MMS22L: variants seen among roughly 807,000 people sequenced by gnomAD.
MMS22L encodes the protein protein MMS22-like.
MMS22L carries 74 observed loss-of-function variants against 159.1 expected under a neutral mutation model. The observed-to-expected ratio is 0.47, with a 90% CI of 0.39 to 0.56. The LOEUF (loss-of-function observed/expected upper bound fraction) is 0.56, where lower values mean the gene tolerates loss of function less well. Ranked by LOEUF, MMS22L falls within the 20% of genes least tolerant of loss-of-function variation. MMS22L has a pLI of 0.00. For missense variants in MMS22L, 1,351 were observed against 1,422.1 expected (o/e 0.95, Z 0.80); for synonymous variants, 517 against 506.9 (o/e 1.02, Z -0.27).
At chr6:97,258,359 T>G (rs964320806) in intron 9 of MMS22L, among the ~76,000 whole-genome samples, 7 of 152,174 alleles carry the variant, frequency 4.6e-5, no homozygotes, top group African/African-American at 1.4e-4. Context: ...TGCTTCATCC[T>G]GTAATCAGCC....
chr6:97,225,462 T>C (rs888994764), intron 14 of MMS22L, among the ~76,000 whole-genome samples: 8 of 152,070 alleles, frequency 5.3e-5, no homozygotes, highest in African/African-American at 1.9e-4. Flanking sequence ...GCAATTGTCC[T>C]ACCTCAGCCT....
In MMS22L at chr6:97,217,258, T is replaced by C. The variant is rs577085056; in HGVS notation, c.2039+11636A>G. On this transcript the variant is annotated intron_variant, in intron 14 of 24. Coordinates refer to ENST00000683635, the MANE Select transcript of MMS22L (RefSeq NM_001350599.2). ...ATTTTTAATTCATTATTTATTTATT[T>C]TTTTGAGGCGGAGTTTCACTCTTGT... Among the ~76,000 whole-genome samples, 45 of 152,246 alleles carry C rather than the reference T, an allele frequency of 3.0e-4. No homozygotes were observed. In the East Asian group the frequency reaches 5.0e-3, roughly 17 times the overall value.
Position 97,146,018 on chromosome 6 carries a change from C to G in MMS22L, c.*788G>C, listed in dbSNP as rs1800912524. 6.6e-6 allele frequency: 1 copy of G among 151,838 alleles called. No homozygotes were observed. The highest frequency in any genetic ancestry group is 3.2e-3 in the Middle Eastern group (1 of 316). The allele number at this position is 151,838 out of a possible 1,614,324, so 9.4% of individuals were successfully genotyped here. On this transcript the variant is annotated 3_prime_UTR_variant, in exon 25 of 25. Coordinates refer to ENST00000683635, the MANE Select transcript of MMS22L (RefSeq NM_001350599.2). ...AGATGGATCAGCTGACTTCTCAGAC[C>G]ACTACTATTGTTACTTTTCTAGAAT... is the stretch of plus-strand genomic sequence containing the variant.
At chr6:97,192,723 CAT>C in intron 14 of MMS22L, among the ~76,000 whole-genome samples, 1 of 152,254 alleles carries the variant, frequency 6.6e-6, no homozygotes, top group East Asian at 1.9e-4. Flanking sequence ...TTAAATAAGA[CAT>C]ATTCAATAAA....
At chr6:97,221,842 GA>G (rs1809691167) in intron 14 of MMS22L, among the ~76,000 whole-genome samples, 1 of 151,930 alleles carries the variant, frequency 6.6e-6, no homozygotes, top group African/African-American at 2.4e-5. Flanking sequence ...TGAAAGAGCA[GA>G]CATTTTGAGC....
intron 14 of MMS22L, among the ~76,000 whole-genome samples, chr6:97,203,829 G>A (rs73490411): frequency 1.4e-3 from 206 of 152,252 alleles, no homozygotes; most frequent in African/African-American, 4.8e-3. Context: ...CAAAGCAGCT[G>A]TTTCTGACCA....
chr6:97,255,249 GTT>G (rs1813676674), intron 9 of MMS22L, among the ~76,000 whole-genome samples: 1 of 152,082 alleles, frequency 6.6e-6, no homozygotes, highest in Non-Finnish European at 1.5e-5. Context: ...CATTTAGTGA[GTT>G]TTAGGTTTTT....
At chr6:97,206,702 AAAAG>A (rs1268982012) in intron 14 of MMS22L, among the ~76,000 whole-genome samples, 2 of 152,066 alleles carry the variant, frequency 1.3e-5, no homozygotes, top group African/African-American at 4.8e-5. Context: ...GAAAGGGGTA[AAAAG>A]AAAGGCAGAA....
At position 97,198,251 on chromosome 6, in the gene MMS22L, C is replaced by G. The variant is rs562418828; in HGVS notation, c.2040-11561G>C. On this transcript the variant is annotated intron_variant, in intron 14 of 24. Transcript: ENST00000683635. ...TAAGCTTGTCCACCAGCCATTCTAG[C>G]TTAGAAACTAGATGTATTACTGAAG... Among the ~76,000 whole-genome samples, 26 of 152,190 alleles carry G rather than the reference C, an allele frequency of 1.7e-4. No homozygotes were observed. The South Asian group carries it at 5.2e-3, about 30-fold the overall frequency.
At chr6:97,206,670 G>C (rs1325746011) in intron 14 of MMS22L, among the ~76,000 whole-genome samples, 16 of 151,986 alleles carry the variant, frequency 1.1e-4, no homozygotes, top group Admixed American at 9.8e-4. Flanking sequence ...TTGTTAAAAA[G>C]AAAGTCTCTA....
intron 18 of MMS22L, among the ~76,000 whole-genome samples, chr6:97,174,179 G>A (rs1185408063): frequency 6.6e-6 from 1 of 151,560 alleles, no homozygotes; most frequent in Non-Finnish European, 1.5e-5. Context: ...CTTGAACCCA[G>A]GAGGTGGAGG....
intron 7 of MMS22L, among the ~76,000 whole-genome samples, chr6:97,269,582 AAC>A (rs1815506763): frequency 6.6e-6 from 1 of 152,184 alleles, no homozygotes; most frequent in South Asian, 2.1e-4. Context: ...TACTAACATA[AAC>A]AGATCGCTAA....
At chr6:97,156,892 A>C (rs905954426) in intron 22 of MMS22L, among the ~76,000 whole-genome samples, 2 of 152,170 alleles carry the variant, frequency 1.3e-5, no homozygotes, top group African/African-American at 4.8e-5. Flanking sequence ...AATAGCATTG[A>C]ATCTATACTT....
chr6:97,220,855 A>G (rs1334843429), intron 14 of MMS22L, among the ~76,000 whole-genome samples: 6 of 152,084 alleles, frequency 3.9e-5, no homozygotes, highest in African/African-American at 1.4e-4. Flanking sequence ...GATTCATTAC[A>G]CACTAAAACA....
At chr6:97,245,579 C>T (rs1812531590) in intron 11 of MMS22L, among the ~76,000 whole-genome samples, 1 of 151,852 alleles carries the variant, frequency 6.6e-6, no homozygotes, top group Admixed American at 6.6e-5. Context: ...ATGAGGACAA[C>T]CAATGAACAT....
At position 97,151,790 on chromosome 6, in the gene MMS22L, G is replaced by A; in HGVS notation, c.3463C>T (p.Gln1155Ter). 1 of 1,613,560 alleles carries A rather than the reference G, an allele frequency of 6.2e-7. No homozygotes were observed. The highest frequency in any genetic ancestry group is 8.5e-7 in the Non-Finnish European group (1 of 1,179,630). ...QVGSEEEPSS[Q>*]LTSVFRQFIQ... is the part of the protein sequence containing the mutation. ...AGTTACCTAAACACAGAAGTCAGCT[G>A]GGAGGAAGGTTCTTCTTCTGACCCC... Residue 1155 changes from glutamine to a stop codon, truncating the protein, a stop_gained, in exon 23 of 25, where the codon CAG (glutamine) becomes TAG (stop). Transcript: ENST00000683635. LOFTEE classifies it high-confidence loss of function.
intron 11 of MMS22L, among the ~76,000 whole-genome samples, chr6:97,238,701 C>T (rs918712137): frequency 4.7e-5 from 7 of 148,728 alleles, no homozygotes; most frequent in African/African-American, 1.7e-4. Flanking sequence ...CTGCTTTAGT[C>T]CTTTTCTAAA....
chr6:97,209,376 T>C (rs540796223), intron 14 of MMS22L, among the ~76,000 whole-genome samples: 56 of 152,110 alleles, frequency 3.7e-4, no homozygotes, highest in African/African-American at 1.3e-3. Flanking sequence ...TGCTATCATA[T>C]ACTCCAACTA....
In MMS22L at chr6:97,254,659, C is replaced by A; in HGVS notation, c.1017G>T (p.Met339Ile). The A allele has an allele frequency of 6.2e-7, 1 of 1,613,058 alleles. No homozygotes were observed. The highest frequency in any genetic ancestry group is 8.5e-7 in the Non-Finnish European group (1 of 1,179,586). The change falls in exon 10 of 25, where the codon ATG (methionine) becomes ATT (isoleucine). Residue 339 changes from methionine (M) to isoleucine (I), a missense_variant. Coordinates refer to ENST00000683635, the MANE Select transcript of MMS22L (RefSeq NM_001350599.2). ...EKSSDRRRSS[M>I]PVIQSRDPLG... Reference sequence around the variant, plus strand: ...ATGGATCCCTGGACTGGATTACAGGCATAGAGGATCTTCTTCGGTCACTTG... The same window carrying A: ...ATGGATCCCTGGACTGGATTACAGGAATAGAGGATCTTCTTCGGTCACTTG...
Sources: gnomAD v4.1 joint callset for allele counts (sites outside exome capture counted in the v4.1 genomes callset) on GRCh38, gnomAD v4.1.1 for gene constraint, MANE v1.5 for transcripts, NCBI Gene and HGNC (gene_info 2026-07-23, HGNC 2026-07-21) for gene names.